Variants in MACROD1 observed in about 807,000 individuals in gnomAD.
The protein encoded by MACROD1 is mono-ADP ribosylhydrolase 1.
In MACROD1, 31 loss-of-function variants were observed where a neutral mutation model predicts 41.4. That is an observed-to-expected ratio of 0.75 (90% CI 0.56 to 1.01). The LOEUF is 1.01. Ranked by LOEUF, MACROD1 falls within the 50% of genes least tolerant of loss-of-function variation. The pLI, the probability that MACROD1 is intolerant of heterozygous loss-of-function variation, is 0.00. For missense variants in MACROD1, 473 were observed against 460.0 expected (o/e 1.03, Z -0.26); for synonymous variants, 252 against 203.4 (o/e 1.24, Z -2.03).
chr11:64,123,262 C>T (rs1945127366), intron 3 of MACROD1, among the ~76,000 whole-genome samples: 1 of 152,190 alleles, frequency 6.6e-6, no homozygotes, highest in African/African-American at 2.4e-5. Context: ...CTGCTGCCTG[C>T]CCCTGGATGG....
intron 3 of MACROD1, among the ~76,000 whole-genome samples, chr11:64,070,276 C>A (rs1293145456): frequency 6.6e-6 from 1 of 152,130 alleles, no homozygotes; most frequent in Non-Finnish European, 1.5e-5. Context: ...TGCCAGTCCT[C>A]AGCCCAGCCT....
chr11:64,130,093 C>A (rs927919229), intron 3 of MACROD1, among the ~76,000 whole-genome samples: 1 of 152,122 alleles, frequency 6.6e-6, no homozygotes, highest in Non-Finnish European at 1.5e-5. Flanking sequence ...AAACCTACCC[C>A]ACACCACTGC....
chr11:64,098,218 G>A (rs921784608), intron 3 of MACROD1, among the ~76,000 whole-genome samples: 1 of 152,170 alleles, frequency 6.6e-6, no homozygotes, highest in South Asian at 2.1e-4. Context: ...CCCTGCCCTT[G>A]TACAAAGACC....
At chr11:64,133,530 C>T (rs903073009) in intron 3 of MACROD1, among the ~76,000 whole-genome samples, 4 of 152,198 alleles carry the variant, frequency 2.6e-5, no homozygotes. Flanking sequence ...TCCTAAAAGG[C>T]AGCTCCCCTG....
chr11:63,998,703 A>G lies in MACROD1; in HGVS notation c.*31-16T>C. ...GAAGGCGGGTCTGAGGGCAGAGCAG[A>G]GTCAGAGGTGTCTATGGGCGTCCCC... On this transcript the variant is annotated splice_polypyrimidine_tract_variant and intron_variant, in intron 10 of 10. Transcript: ENST00000255681. The G allele has an allele frequency of 5.8e-6, 8 of 1,391,010 alleles. No individual in the cohort carries two copies. Among genetic ancestry groups the G allele is most frequent in the Non-Finnish European group, 7.4e-6 (8 of 1,076,220 alleles). The allele number at this position is 1,391,010 out of a possible 1,614,324, so 86.2% of individuals were successfully genotyped here.
chr11:64,033,946 T>C (rs1405995930), intron 3 of MACROD1, among the ~76,000 whole-genome samples: 1 of 152,138 alleles, frequency 6.6e-6, no homozygotes, highest in Non-Finnish European at 1.5e-5. Flanking sequence ...GGATTACAGG[T>C]GTGAGCCACC....
intron 3 of MACROD1, among the ~76,000 whole-genome samples, chr11:64,083,830 C>T (rs897661174): frequency 6.6e-6 from 1 of 152,200 alleles, no homozygotes; most frequent in African/African-American, 2.4e-5. Flanking sequence ...AACAGACCGA[C>T]GGATCTGCCA....
intron 3 of MACROD1, among the ~76,000 whole-genome samples, chr11:64,142,472 G>T (rs1945426940): frequency 6.6e-6 from 1 of 152,236 alleles, no homozygotes; most frequent in South Asian, 2.1e-4. Context: ...CTTCAGGTAA[G>T]AAGCAGGGGA....
rs941974070 is a variant in MACROD1, at chr11:64,122,611, C to A, written c.517+28628G>T. Among the ~76,000 whole-genome samples, 16 of 152,146 alleles carry A rather than the reference C, an allele frequency of 1.1e-4. No individual in the cohort carries two copies. The highest frequency in any genetic ancestry group is 2.2e-4 in the Non-Finnish European group (15 of 68,018). ...GGGGGTCGGGGAGATGTTTCCAGAG[C>A]GGTGCAGGGAAAGAGGGTTTGGTGA... On this transcript the variant is annotated intron_variant, in intron 3 of 10. Transcript: ENST00000255681. This position sits in a 1 kb window ranked among gnomAD's most constrained non-coding sequence, Gnocchi z 4.0.
chr11:64,137,112 G>A (rs542522808), intron 3 of MACROD1, among the ~76,000 whole-genome samples: 3 of 152,344 alleles, frequency 2.0e-5, no homozygotes, highest in Admixed American at 6.5e-5. Context: ...ATTAAGGAGG[G>A]AAAGATTTTG....
chr11:64,053,090 C>T (rs1028232671), intron 3 of MACROD1, among the ~76,000 whole-genome samples: 2 of 152,220 alleles, frequency 1.3e-5, no homozygotes, highest in Non-Finnish European at 2.9e-5. Context: ...CTCCAGCACG[C>T]TGGGCCTGCC....
intron 3 of MACROD1, chr11:64,116,373 T>C (rs756055910): frequency 2.5e-6 from 4 of 1,612,960 alleles, no homozygotes; most frequent in Non-Finnish European, 2.5e-6. Flanking sequence ...GGACTGGCTG[T>C]TCCTCTGCTA....
chr11:64,031,777 C>T (rs897649178), intron 3 of MACROD1, among the ~76,000 whole-genome samples: 3 of 152,198 alleles, frequency 2.0e-5, no homozygotes, highest in African/African-American at 7.2e-5. Flanking sequence ...TGCACCCGGC[C>T]ACTGCTGGAG....
chr11:64,031,333 A>C (rs991465813), intron 3 of MACROD1, among the ~76,000 whole-genome samples: 1 of 151,730 alleles, frequency 6.6e-6, no homozygotes, highest in Non-Finnish European at 1.5e-5. Flanking sequence ...GCCAGGGCCC[A>C]CCCTCCTGGT....
chr11:64,124,269 G>A (rs1008745540), intron 3 of MACROD1, among the ~76,000 whole-genome samples: 1 of 152,186 alleles, frequency 6.6e-6, no homozygotes, highest in Non-Finnish European at 1.5e-5. Flanking sequence ...CTGCAGCTCC[G>A]AAGCCCAGGC....
In MACROD1 at chr11:64,155,965, G is replaced by A. The variant is rs188116179; in HGVS notation, c.299-3572C>T. Among the ~76,000 whole-genome samples the A allele has an allele frequency of 9.2e-4, 140 of 152,102 alleles. No homozygotes were observed. In the East Asian group the frequency reaches 0.023, roughly 25 times the overall value. On this transcript the variant is annotated intron_variant, in intron 1 of 10. Coordinates refer to ENST00000255681, the MANE Select transcript of MACROD1 (RefSeq NM_014067.4). ...CTCTACTAAAAATACAAAATTAGCC[G>A]GGTGTGGTGGTACATGCCTGTAATC...
chr11:64,117,156 G>A (rs1310551214), intron 3 of MACROD1: 1 of 1,613,778 alleles, frequency 6.2e-7, no homozygotes, highest in Non-Finnish European at 8.5e-7. Flanking sequence ...GCGTGAGCTG[G>A]AGCGGCTGGA....
At chr11:64,079,421 A>G (rs1205889186) in intron 3 of MACROD1, among the ~76,000 whole-genome samples, 1 of 152,048 alleles carries the variant, frequency 6.6e-6, no homozygotes, top group Admixed American at 6.5e-5. Context: ...GGGTGTGCGA[A>G]GACAGTGGGT....
chr11:64,099,903 G>A (rs74462137), intron 3 of MACROD1, among the ~76,000 whole-genome samples: 6,082 of 150,924 alleles, frequency 0.04, 158 homozygotes, highest in Non-Finnish European at 0.063. Context: ...AGAGATGGAA[G>A]GATGGAGGGA....
Sources: gnomAD v4.1 joint callset for allele counts (sites outside exome capture counted in the v4.1 genomes callset) on GRCh38, gnomAD v4.1.1 for gene constraint, Gnocchi (gnomAD v3.1) non-coding constraint, MANE v1.5 for transcripts, NCBI Gene and HGNC (gene_info 2026-07-23, HGNC 2026-07-21) for gene names.